The following CLEC16A variants were observed in gnomAD, a reference collection of about 807,000 sequenced individuals.
CLEC16A encodes C-type lectin domain containing 16A.
In CLEC16A, 51 loss-of-function variants were observed where a neutral mutation model predicts 109.5. The observed-to-expected ratio is 0.47, with a 90% confidence interval of 0.37 to 0.59. The LOEUF (loss-of-function observed/expected upper bound fraction) is 0.59. Ranked by LOEUF, CLEC16A falls within the 20% of genes least tolerant of loss-of-function variation. The pLI, the probability that CLEC16A is intolerant of heterozygous loss-of-function variation, is 0.00. For missense variants in CLEC16A, 1,339 were observed against 1,394.0 expected, an observed-to-expected ratio of 0.96 and a Z score of 0.63; for synonymous variants, 673 against 564.2, an observed-to-expected ratio of 1.19 and a Z score of -2.73.
chr16:11,082,252 G>A (rs1446768684), intron 19 of CLEC16A, among the ~76,000 whole-genome samples: 1 of 152,188 alleles, frequency 6.6e-6, no homozygotes. Context: ...TCGCGACGGC[G>A]TGCTCTGTAC....
At chr16:10,949,541 C>T (rs115824008) in intron 1 of CLEC16A, among the ~76,000 whole-genome samples, 189 of 152,174 alleles carry the variant, frequency 1.2e-3, no homozygotes, top group African/African-American at 4.4e-3. Flanking sequence ...TCACGTGGTT[C>T]AGCAGGGGAG....
At position 11,022,362 on chromosome 16, in the gene CLEC16A, G is replaced by A. The variant is rs1018759311; in HGVS notation, c.1436+2037G>A. ...CTTTTTTTTTTTTTTTTTTTTTTTT[G>A]CAAAGACAGGATCCTACTATGTTGC... On this transcript the variant is annotated intron_variant, in intron 12 of 23. Coordinates refer to ENST00000409790, the MANE Select transcript of CLEC16A (RefSeq NM_015226.3). Among the ~76,000 whole-genome samples, 4 of 20,982 alleles carry A rather than the reference G, an allele frequency of 1.9e-4. 1 individual carries two copies. Among genetic ancestry groups the A allele is most frequent in the African/African-American group, 8.6e-4 (4 of 4,650 alleles). 13.8% of individuals were successfully genotyped at this position (20,982 alleles called of 152,430 possible). A position where few individuals can be genotyped will look rare whatever the true frequency, so the allele number is the denominator to read the frequency against.
chr16:11,157,509 C>T (rs1037048991), intron 22 of CLEC16A, among the ~76,000 whole-genome samples: 2 of 152,232 alleles, frequency 1.3e-5, no homozygotes, highest in Non-Finnish European at 1.5e-5. Flanking sequence ...AAAGGGGTCT[C>T]TGTGCATATA....
chr16:11,157,207 T>G, intron 22 of CLEC16A: 1 of 1,243,494 alleles, frequency 8.0e-7, no homozygotes, highest in Non-Finnish European at 1.0e-6. Flanking sequence ...CAATCAGAAA[T>G]AAAAAGTATT....
At chr16:11,078,835 G>A (rs553438892) in intron 19 of CLEC16A, among the ~76,000 whole-genome samples, 1 of 152,254 alleles carries the variant, frequency 6.6e-6, no homozygotes, top group South Asian at 2.1e-4. Context: ...TTCCCTCATG[G>A]GTCTGGCAGC....
chr16:11,110,826 T>G (rs776880931), intron 19 of CLEC16A, among the ~76,000 whole-genome samples: 21 of 152,296 alleles, frequency 1.4e-4, no homozygotes, highest in Admixed American at 2.6e-4. Context: ...GTCACACAGT[T>G]TAATAACTGG....
chr16:11,141,498 C>T (rs754324147), intron 22 of CLEC16A, among the ~76,000 whole-genome samples: 2 of 152,052 alleles, frequency 1.3e-5, no homozygotes, highest in Non-Finnish European at 2.9e-5. Context: ...ACTGGGTTGT[C>T]GGGGACCGTG....
At chr16:10,956,218 C>G (rs1391119327) in intron 1 of CLEC16A, among the ~76,000 whole-genome samples, 1 of 152,210 alleles carries the variant, frequency 6.6e-6, no homozygotes, top group Non-Finnish European at 1.5e-5. Context: ...AAATTACATG[C>G]AATTTCTAAT....
In CLEC16A at chr16:10,954,550, A is replaced by C. The variant is rs972850492; in HGVS notation, c.81-3232A>C. ...AAAATAGGTAGATACTAAAGTATTC[A>C]GGTACCATTGCTGTTTACATTTTAC... On this transcript the variant is annotated intron_variant, in intron 1 of 23. Transcript: ENST00000409790. The surrounding 1 kb of genome is among the most constrained non-coding windows in gnomAD (Gnocchi z 4.2). Among the ~76,000 whole-genome samples the C allele has an allele frequency of 6.6e-6, 1 of 152,212 alleles. No homozygotes were observed. Among genetic ancestry groups the C allele is most frequent in the South Asian group, 2.1e-4 (1 of 4,832 alleles).
At chr16:11,157,703 C>A (rs2054586017) in intron 22 of CLEC16A, among the ~76,000 whole-genome samples, 1 of 152,150 alleles carries the variant, frequency 6.6e-6, no homozygotes, top group East Asian at 1.9e-4. Flanking sequence ...AGGACCCAGG[C>A]CTCACCTGGC....
chr16:10,984,208 A>T (rs1261916970), intron 10 of CLEC16A, among the ~76,000 whole-genome samples: 2 of 152,120 alleles, frequency 1.3e-5, no homozygotes, highest in Non-Finnish European at 2.9e-5. Context: ...GAGTACAATT[A>T]CAAGAGGCCC....
At chr16:10,982,785 G>A in intron 9 of CLEC16A, 93 bp from the exon 10 acceptor site, 1 of 709,798 alleles carries the variant, frequency 1.4e-6, no homozygotes, top group East Asian at 2.7e-5. Context: ...ACAGGACTTA[G>A]GTAGCCCAGC....
intron 18 of CLEC16A, among the ~76,000 whole-genome samples, chr16:11,053,389 A>G (rs1423522657): frequency 1.3e-5 from 2 of 150,330 alleles, no homozygotes; most frequent in Admixed American, 1.3e-4. Flanking sequence ...TTTTTTTTAG[A>G]CAGGGTCCTG....
intron 11 of CLEC16A, among the ~76,000 whole-genome samples, chr16:11,013,567 C>T (rs543719107): frequency 3.2e-4 from 48 of 152,214 alleles, no homozygotes; most frequent in Non-Finnish European, 4.6e-4. Context: ...GAGTTCGAGA[C>T]CAACCTGACC....
chr16:11,129,672 G>T (rs1388121110), intron 22 of CLEC16A, among the ~76,000 whole-genome samples: 1 of 152,128 alleles, frequency 6.6e-6, no homozygotes. Flanking sequence ...TAACGGCTCA[G>T]GCTTAGTTTG....
intron 18 of CLEC16A, chr16:11,056,786 A>G (rs574030552): frequency 1.6e-4 from 24 of 152,368 alleles, no homozygotes; most frequent in African/African-American, 5.0e-4. Flanking sequence ...ATCACCCTAA[A>G]CAAACAATAC....
chr16:11,130,579 C>T (rs948661960), intron 22 of CLEC16A, among the ~76,000 whole-genome samples: 4 of 152,184 alleles, frequency 2.6e-5, no homozygotes, highest in African/African-American at 9.7e-5. Flanking sequence ...CACGGGGAGC[C>T]GGGCAGTGGA....
intron 8 of CLEC16A, among the ~76,000 whole-genome samples, 162 bp from the exon 9 acceptor site, chr16:10,979,167 G>A (rs770665563): frequency 3.9e-5 from 6 of 152,134 alleles, no homozygotes; most frequent in Admixed American, 6.5e-5. Context: ...TTTGCGGAGT[G>A]GACTTTTGAG....
At chr16:11,114,081 C>G (rs2051794666) in intron 19 of CLEC16A, among the ~76,000 whole-genome samples, 1 of 150,360 alleles carries the variant, frequency 6.7e-6, no homozygotes, top group South Asian at 2.1e-4. Flanking sequence ...ATCCTATGGG[C>G]AGAAGATGGT....
Sources: allele counts gnomAD v4.1 joint callset (sites outside exome capture counted in the v4.1 genomes callset), GRCh38; gene constraint gnomAD v4.1.1; non-coding constraint Gnocchi (gnomAD v3.1); transcripts MANE v1.5; gene names NCBI Gene and HGNC (gene_info 2026-07-23, HGNC 2026-07-21).